The following HDAC9 variants were observed in gnomAD, a reference collection of about 807,000 sequenced individuals.
HDAC9 encodes the protein MEF-2 interacting transcription repressor (MITR) protein.
HDAC9 carries 41 observed loss-of-function variants against 139.4 expected under a neutral mutation model. That is an observed-to-expected ratio of 0.29 (90% confidence interval 0.23 to 0.38). The LOEUF is 0.38. HDAC9 is among the 10% of genes least tolerant of loss of function. The pLI is 1.00. For missense variants in HDAC9, 1,147 were observed against 1,297.0 expected, an observed-to-expected ratio of 0.88 and a Z score of 1.78; for synonymous variants, 517 against 476.2, an observed-to-expected ratio of 1.09 and a Z score of -1.12.
intron 1 of HDAC9, among the ~76,000 whole-genome samples, chr7:18,341,705 A>G (rs909984097): frequency 6.6e-5 from 10 of 151,622 alleles, no homozygotes; most frequent in African/African-American, 2.4e-4. Context: ...TAGGGTTTCT[A>G]TCAGTTTTTG....
At chr7:18,901,448 A>G (rs1307114773) in intron 22 of HDAC9, among the ~76,000 whole-genome samples, 1 of 152,098 alleles carries the variant, frequency 6.6e-6, no homozygotes, top group East Asian at 1.9e-4. Flanking sequence ...AACTGCATCA[A>G]TTGAACACGT....
At chr7:18,920,874 T>G (rs1197560502) in intron 22 of HDAC9, among the ~76,000 whole-genome samples, 1 of 152,098 alleles carries the variant, frequency 6.6e-6, no homozygotes, top group East Asian at 1.9e-4. Flanking sequence ...AGCTTTTTGA[T>G]GTGTTGCTGG....
chr7:18,765,971 G>C (rs1446224544), intron 15 of HDAC9, among the ~76,000 whole-genome samples: 1 of 151,730 alleles, frequency 6.6e-6, no homozygotes, highest in Non-Finnish European at 1.5e-5. Flanking sequence ...CCATCTTTTA[G>C]TAATTACATT....
chr7:18,893,804 G>T (rs925204559), intron 22 of HDAC9, among the ~76,000 whole-genome samples: 2 of 152,146 alleles, frequency 1.3e-5, no homozygotes, highest in African/African-American at 4.8e-5. Context: ...AGGGTGATCA[G>T]AAATGGCCTC....
At chr7:18,835,727 C>T (rs918982159) in intron 20 of HDAC9, 141 bp downstream of exon 20, 2 of 1,204,536 alleles carry the variant, frequency 1.7e-6, no homozygotes, top group Non-Finnish European at 2.4e-6. Context: ...GACCAAGAAC[C>T]AGTGCAGAAC....
At position 18,666,705 on chromosome 7, in the gene HDAC9, A is replaced by G. The variant is rs1288289204; in HGVS notation, c.1731+229A>G. ...GATATCAATGTTTCATTGAAAATCC[A>G]CTGGTAAGGAAATACCTGTTATACT... is the stretch of plus-strand genomic sequence containing the variant. On this transcript the variant is annotated intron_variant, in intron 12 of 25. Transcript: ENST00000686413. 7.6e-6 allele frequency: 10 copies of G among 1,307,328 alleles called. No individual in the cohort carries two copies. The African/African-American group carries it at 1.1e-4, about 14-fold the overall frequency. The allele number at this position is 1,307,328 out of a possible 1,614,324, so 81.0% of individuals were successfully genotyped here.
intron 6 of HDAC9, among the ~76,000 whole-genome samples, chr7:18,598,474 G>T (rs772651370): frequency 4.6e-5 from 7 of 152,120 alleles, no homozygotes; most frequent in Non-Finnish European, 7.4e-5. Context: ...GGAAATTTGG[G>T]TCCTCAATCT....
chr7:18,328,807 A>G (rs1800672566), intron 1 of HDAC9, among the ~76,000 whole-genome samples: 1 of 151,952 alleles, frequency 6.6e-6, no homozygotes, highest in Middle Eastern at 3.4e-3. Flanking sequence ...GTATCATGGT[A>G]ATGATGGCCT....
intron 1 of HDAC9, among the ~76,000 whole-genome samples, chr7:18,375,132 A>G (rs1784889922): frequency 6.6e-6 from 1 of 152,254 alleles, no homozygotes; most frequent in South Asian, 2.1e-4. Flanking sequence ...GAAGGAGATG[A>G]TAGCTTCATG....
At chr7:18,407,142 T>A (rs887581155) in intron 1 of HDAC9, among the ~76,000 whole-genome samples, 2 of 152,200 alleles carry the variant, frequency 1.3e-5, no homozygotes, top group Non-Finnish European at 2.9e-5. Flanking sequence ...GGTCCTTTTT[T>A]CTTTCACTCC....
At chr7:18,174,217 C>T (rs202009725) in intron 2 of HDAC9, among the ~76,000 whole-genome samples, 1 of 152,156 alleles carries the variant, frequency 6.6e-6, no homozygotes, top group Non-Finnish European at 1.5e-5. Flanking sequence ...ATCACTGATA[C>T]CTTTTCTTCC....
At position 18,204,713 on chromosome 7, in the gene HDAC9, A is replaced by G. The variant is rs183562984; in HGVS notation, c.25+42364A>G. ...ATTTAATTTCCTGTTGTGCATGTTC[A>G]TGTTTTTGAGGTATTTTTCTTCTTG... On this transcript the variant is annotated intron_variant, in intron 2 of 12. Coordinates refer to the HDAC9 transcript ENST00000417496. Among the ~76,000 whole-genome samples, 787 of 151,440 alleles carry G rather than the reference A, an allele frequency of 5.2e-3. 2 individuals are homozygous for G. The highest frequency in any genetic ancestry group is 8.8e-3 in the Non-Finnish European group (596 of 67,722).
At chr7:18,798,343 G>A (rs916157013) in intron 17 of HDAC9, among the ~76,000 whole-genome samples, 1 of 152,128 alleles carries the variant, frequency 6.6e-6, no homozygotes, top group African/African-American at 2.4e-5. Flanking sequence ...CAAAACTCAG[G>A]AAAGTAATCA....
At chr7:18,530,041 C>T (rs978342755) in intron 2 of HDAC9, among the ~76,000 whole-genome samples, 3 of 151,996 alleles carry the variant, frequency 2.0e-5, no homozygotes, top group African/African-American at 7.2e-5. Flanking sequence ...GGGGGTGTGG[C>T]AGGAGGATCA....
chr7:18,112,780 A>T (rs571255008), intron 1 of HDAC9, among the ~76,000 whole-genome samples: 1 of 152,350 alleles, frequency 6.6e-6, no homozygotes, highest in African/African-American at 2.4e-5. Context: ...AACATTTATC[A>T]GCACACAGTG....
intron 6 of HDAC9, among the ~76,000 whole-genome samples, chr7:18,596,480 ATGT>A (rs1832537721): frequency 6.6e-6 from 1 of 152,124 alleles, no homozygotes; most frequent in African/African-American, 2.4e-5. Flanking sequence ...TAACACTGAA[ATGT>A]TGTCAAATAA....
At chr7:18,768,728 G>C (rs1315959664) in intron 16 of HDAC9, among the ~76,000 whole-genome samples, 3 of 152,172 alleles carry the variant, frequency 2.0e-5, no homozygotes, top group South Asian at 4.2e-4. Context: ...CTATTAAAAG[G>C]GTGGCAGTCA....
intron 1 of HDAC9, among the ~76,000 whole-genome samples, chr7:18,470,382 G>A (rs144521758): frequency 3.1e-4 from 47 of 151,906 alleles, no homozygotes; most frequent in African/African-American, 1.1e-3. Flanking sequence ...AATTTGTAAC[G>A]ATAATTTCAG....
At chr7:18,909,305 A>G (rs965323633) in intron 22 of HDAC9, among the ~76,000 whole-genome samples, 2 of 151,766 alleles carry the variant, frequency 1.3e-5, no homozygotes, top group Non-Finnish European at 3.0e-5. Context: ...GAAATTAATT[A>G]ATTAATAGTT....
Sources: allele counts gnomAD v4.1 joint callset (sites outside exome capture counted in the v4.1 genomes callset), GRCh38; gene constraint gnomAD v4.1.1; transcripts MANE v1.5; gene names NCBI Gene and HGNC (gene_info 2026-07-23, HGNC 2026-07-21).